CAMTA1: variants seen among roughly 807,000 people sequenced by gnomAD.
CAMTA1 encodes calmodulin-binding transcription activator 1.
CAMTA1 carries 27 observed loss-of-function variants against 170.9 expected under a neutral mutation model. The ratio of observed to expected loss-of-function variants is 0.16; its 90% CI spans 0.12 to 0.22. The LOEUF (loss-of-function observed/expected upper bound fraction) is 0.22, where lower values mean the gene tolerates loss of function less well. CAMTA1 is among the 10% of genes least tolerant of loss of function. CAMTA1 has a pLI of 1.00. For synonymous variants in CAMTA1, 833 were observed against 891.5 expected, an observed-to-expected ratio of 0.93 and a Z score of 1.17; for missense variants, 1,619 against 2,217.2, an observed-to-expected ratio of 0.73 and a Z score of 5.42.
intron 4 of CAMTA1, among the ~76,000 whole-genome samples, chr1:7,118,035 C>T (rs1175177298): frequency 1.3e-5 from 2 of 152,150 alleles, no homozygotes; most frequent in East Asian, 1.9e-4. Context: ...CTTACAAAGG[C>T]TTCATTACCT....
At chr1:7,515,121 C>A (rs1016472908) in intron 6 of CAMTA1, among the ~76,000 whole-genome samples, 1 of 150,724 alleles carries the variant, frequency 6.6e-6, no homozygotes, top group South Asian at 2.1e-4. Flanking sequence ...TGGTCCTCCC[C>A]GGCTCCCTCC....
chr1:7,646,857 G>C (rs1310209044), intron 7 of CAMTA1, among the ~76,000 whole-genome samples: 1 of 152,174 alleles, frequency 6.6e-6, no homozygotes, highest in Non-Finnish European at 1.5e-5. Flanking sequence ...TGCTTGTGCT[G>C]TCATGGCCCC....
At position 7,482,712 on chromosome 1, in the gene CAMTA1, G is replaced by A. The variant is rs1195178151; in HGVS notation, c.510+14811G>A. ...TTTGTTGATCCTGAATTGCTAAAAG[G>A]TTTCTTAGTTTGGAGACCAAGTTCT... On this transcript the variant is annotated intron_variant, in intron 6 of 22. Coordinates refer to ENST00000303635, the MANE Select transcript of CAMTA1 (RefSeq NM_015215.4). This position sits in a 1 kb window ranked among gnomAD's most constrained non-coding sequence, Gnocchi z 4.2. Among the ~76,000 whole-genome samples the A allele has an allele frequency of 6.6e-6, 1 of 152,168 alleles. No homozygotes were observed. Among genetic ancestry groups the A allele is most frequent in the Non-Finnish European group, 1.5e-5 (1 of 68,042 alleles).
chr1:7,237,744 G>A (rs945171926), intron 4 of CAMTA1, among the ~76,000 whole-genome samples: 2 of 152,206 alleles, frequency 1.3e-5, no homozygotes, highest in Non-Finnish European at 2.9e-5. Flanking sequence ...AGCTGCAAGT[G>A]TTTGGAGCTG....
At chr1:7,042,134 C>T (rs1391622692) in intron 3 of CAMTA1, among the ~76,000 whole-genome samples, 1 of 152,162 alleles carries the variant, frequency 6.6e-6, no homozygotes, top group East Asian at 1.9e-4. Context: ...GGAGAATTCC[C>T]CTCCTCCAGC....
In CAMTA1 at chr1:7,681,987, C is replaced by T. The variant is rs539327059; in HGVS notation, c.2914+4254C>T. On this transcript the variant is annotated intron_variant, in intron 11 of 22. Coordinates refer to ENST00000303635, the MANE Select transcript of CAMTA1 (RefSeq NM_015215.4). The surrounding 1 kb of genome is among the most constrained non-coding windows in gnomAD (Gnocchi z 4.6). ...GTTGAGAAGATTTAGGGTACCCTGT[C>T]CCCACCCCCACCTGCCGGCCCTTCT... Among the ~76,000 whole-genome samples the T allele has an allele frequency of 1.2e-4, 19 of 152,134 alleles. No individual in the cohort carries two copies. The highest frequency in any genetic ancestry group is 3.9e-4 in the African/African-American group (16 of 41,506).
At chr1:7,762,099 C>G (rs564988326) in intron 22 of CAMTA1, among the ~76,000 whole-genome samples, 33 of 152,272 alleles carry the variant, frequency 2.2e-4, no homozygotes, top group Middle Eastern at 3.4e-3. Flanking sequence ...CCACAGTGAG[C>G]TATGACTGTT....
intron 6 of CAMTA1, among the ~76,000 whole-genome samples, chr1:7,593,526 G>A (rs1228625323): frequency 7.2e-6 from 1 of 139,464 alleles, no homozygotes; most frequent in East Asian, 2.1e-4. Flanking sequence ...GTCCCACTCT[G>A]TCACCCAGGC....
At chr1:6,994,723 A>G (rs1696925738) in intron 3 of CAMTA1, among the ~76,000 whole-genome samples, 1 of 151,956 alleles carries the variant, frequency 6.6e-6, no homozygotes, top group Admixed American at 6.6e-5. Flanking sequence ...ACTAGAGTTC[A>G]GTGGCACAAT....
At chr1:6,834,104 G>A (rs1335534767) in intron 3 of CAMTA1, among the ~76,000 whole-genome samples, 1 of 150,172 alleles carries the variant, frequency 6.7e-6, no homozygotes, top group African/African-American at 2.4e-5. Context: ...CTTTAGGAAT[G>A]TTGGACTTTC....
At position 7,286,612 on chromosome 1, in the gene CAMTA1, A is replaced by G. The variant is rs562812675; in HGVS notation, c.438+36986A>G. Among the ~76,000 whole-genome samples, 102 of 152,280 alleles carry G rather than the reference A, an allele frequency of 6.7e-4. No homozygotes were observed. The highest frequency in any genetic ancestry group is 3.4e-3 in the Middle Eastern group (1 of 294). ...GATTTTGGCAGCAATGCGTTTCTAT[A>G]AGAAGTGGAGATATTTGGAGCTGCT... On this transcript the variant is annotated intron_variant, in intron 5 of 22. Transcript: ENST00000303635. The surrounding 1 kb of genome is among the most constrained non-coding windows in gnomAD (Gnocchi z 4.2).
chr1:6,901,060 A>C (rs1238274464), intron 3 of CAMTA1, among the ~76,000 whole-genome samples: 1 of 151,918 alleles, frequency 6.6e-6, no homozygotes, highest in Middle Eastern at 3.2e-3. Flanking sequence ...AATCAATGGA[A>C]CCAAATAGGG....
intron 6 of CAMTA1, among the ~76,000 whole-genome samples, chr1:7,496,767 C>G (rs2093833901): frequency 6.6e-6 from 1 of 152,044 alleles, no homozygotes; most frequent in Non-Finnish European, 1.5e-5. Flanking sequence ...TCCCAGTAGG[C>G]AGGGGTCCAG....
chr1:7,372,777 C>T (rs567025893), intron 5 of CAMTA1, among the ~76,000 whole-genome samples: 10 of 152,336 alleles, frequency 6.6e-5, no homozygotes, highest in African/African-American at 2.2e-4. Flanking sequence ...AGATGAGACA[C>T]GTGGCTTCCG....
At chr1:7,359,189 G>T (rs1042367229) in intron 5 of CAMTA1, among the ~76,000 whole-genome samples, 3 of 152,180 alleles carry the variant, frequency 2.0e-5, no homozygotes, top group Non-Finnish European at 4.4e-5. Context: ...GGTACCAGGT[G>T]ACCCTTTTCC....
At chr1:6,840,650 G>A (rs2148687284) in intron 3 of CAMTA1, among the ~76,000 whole-genome samples, 1 of 152,264 alleles carries the variant, frequency 6.6e-6, no homozygotes, top group East Asian at 1.9e-4. Context: ...GGTCCTGTCT[G>A]GAGATAAAAA....
chr1:7,244,942 C>A (rs908062417), intron 4 of CAMTA1, among the ~76,000 whole-genome samples: 1 of 151,634 alleles, frequency 6.6e-6, no homozygotes, highest in Non-Finnish European at 1.5e-5. Context: ...TAATTAACTT[C>A]GGAAGATTGA....
At chr1:7,164,116 G>C (rs1647858014) in intron 4 of CAMTA1, among the ~76,000 whole-genome samples, 1 of 152,086 alleles carries the variant, frequency 6.6e-6, no homozygotes, top group Non-Finnish European at 1.5e-5. Flanking sequence ...AGATTTAGAG[G>C]CTTCCCCACT....
rs184338341 is a variant in CAMTA1 at position 7,523,855 on chromosome 1, C to A, written c.510+55954C>A. On this transcript the variant is annotated intron_variant, in intron 6 of 22. Coordinates refer to ENST00000303635, the MANE Select transcript of CAMTA1 (RefSeq NM_015215.4). ...CCAAGATCGCACCACTGCACTCCAG[C>A]CTGGACGACAGAGTGAGACTCTATC... Among the ~76,000 whole-genome samples, 267 of 149,806 alleles carry A rather than the reference C, an allele frequency of 1.8e-3. 2 individuals are homozygous for A. Among genetic ancestry groups the A allele is most frequent in the Non-Finnish European group, 9.8e-4 (66 of 67,692 alleles).
Sources: allele counts gnomAD v4.1 joint callset (sites outside exome capture counted in the v4.1 genomes callset), GRCh38; gene constraint gnomAD v4.1.1; non-coding constraint Gnocchi (gnomAD v3.1); transcripts MANE v1.5; gene names NCBI Gene and HGNC (gene_info 2026-07-23, HGNC 2026-07-21).